The following EYS variants were observed in gnomAD, a reference collection of about 807,000 sequenced individuals.
The protein encoded by EYS is EGF-like photoreceptor maintenance factor, also known as protein eyes shut homolog.
A neutral mutation model predicts 282.1 loss-of-function variants in EYS; 250 were observed. The observed-to-expected ratio is 0.89, with a 90% CI of 0.80 to 0.98. The LOEUF is 0.98. Ranked by LOEUF, EYS falls within the 50% of genes least tolerant of loss-of-function variation. The pLI is 0.00. For synonymous variants in EYS, 1,355 were observed against 1,282.9 expected (o/e 1.06, Z -1.20); for missense variants, 4,016 against 3,709.0 (o/e 1.08, Z -2.15).
chr6:64,154,942 C>G (rs565142818), intron 31 of EYS, among the ~76,000 whole-genome samples: 2 of 152,226 alleles, frequency 1.3e-5, no homozygotes, highest in Non-Finnish European at 2.9e-5. Flanking sequence ...TTTCCAATCA[C>G]AGCCACCTAT....
intron 39 of EYS, among the ~76,000 whole-genome samples, chr6:63,782,380 T>C (rs1191389443): frequency 3.9e-5 from 6 of 152,224 alleles, no homozygotes; most frequent in Non-Finnish European, 7.3e-5. Flanking sequence ...TGTCTGGTCC[T>C]GGACTTTTTT....
chr6:63,768,681 A>T (rs1445962785), intron 40 of EYS, among the ~76,000 whole-genome samples: 1 of 152,016 alleles, frequency 6.6e-6, no homozygotes, highest in African/African-American at 2.4e-5. Flanking sequence ...TTTCTTAAAG[A>T]ACTTAGAACG....
chr6:65,584,488 G>A (rs973904197), intron 2 of EYS, among the ~76,000 whole-genome samples: 10 of 152,032 alleles, frequency 6.6e-5, no homozygotes, highest in Non-Finnish European at 1.3e-4. Flanking sequence ...ACATGAGGTA[G>A]AGTAAGGGGC....
At chr6:63,753,593 T>A (rs761300469) in intron 41 of EYS, among the ~76,000 whole-genome samples, 3 of 151,942 alleles carry the variant, frequency 2.0e-5, no homozygotes, top group Non-Finnish European at 4.4e-5. Flanking sequence ...AACCATCAGA[T>A]CTCATGAGAA....
chr6:64,710,622 C>G (rs923165618), intron 22 of EYS, among the ~76,000 whole-genome samples: 2 of 152,212 alleles, frequency 1.3e-5, no homozygotes, highest in African/African-American at 4.8e-5. Context: ...TCCTTTGTTA[C>G]TTTGTGCAGT....
rs568760122 is a variant in EYS at position 65,367,733 on chromosome 6, T to C, written c.1300-14116A>G. ...ATAAAAGTGTGAGAGAAGAAGCTTA[T>C]GAATTCATTATTAGAGGTCTCCCTT... On this transcript the variant is annotated intron_variant, in intron 8 of 42. Transcript: ENST00000503581. Among the ~76,000 whole-genome samples, 36 of 151,870 alleles carry C rather than the reference T, an allele frequency of 2.4e-4. 1 individual carries two copies. Among genetic ancestry groups the C allele is most frequent in the African/African-American group, 7.9e-4 (33 of 41,540 alleles).
chr6:64,600,149 T>C (rs1297573417), intron 24 of EYS, among the ~76,000 whole-genome samples: 3 of 152,118 alleles, frequency 2.0e-5, no homozygotes, highest in Non-Finnish European at 1.5e-5. Context: ...TTCCTGTGTC[T>C]TTCCAGCCTA....
intron 12 of EYS, among the ~76,000 whole-genome samples, chr6:65,190,872 G>A (rs1765625514): frequency 1.3e-5 from 2 of 151,972 alleles, no homozygotes; most frequent in Admixed American, 1.3e-4. Context: ...ACATGTAGGT[G>A]TGGGTTATTA....
At chr6:65,370,256 C>CTCT (rs1432237298) in intron 8 of EYS, among the ~76,000 whole-genome samples, 4 of 127,152 alleles carry the variant, frequency 3.1e-5, no homozygotes, top group African/African-American at 8.9e-5. Flanking sequence ...CTTTCTCTCT[C>CTCT]TTTTTTTTTT....
intron 37 of EYS, chr6:63,797,405 C>A (rs563037873): frequency 3.3e-5 from 5 of 152,118 alleles, no homozygotes; most frequent in Non-Finnish European, 7.4e-5. Flanking sequence ...CAAGATGTAT[C>A]GAGTGATATA....
At position 64,754,769 on chromosome 6, in the gene EYS, C is replaced by T. The variant is rs375644209; in HGVS notation, c.3443+58609G>A. 5.3e-4 allele frequency among the ~76,000 whole-genome samples: 80 copies of T among 152,150 alleles called. No homozygotes were observed. The South Asian group carries it at 0.017, about 32-fold the overall frequency. On this transcript the variant is annotated intron_variant, in intron 22 of 42. Transcript: ENST00000503581. ...GAATCCCTTTATGATTAAAAACCCT[C>T]AACAACTAAGCTTGAAGTAAGCTAT...
At chr6:64,130,018 T>G (rs1304775195) in intron 31 of EYS, among the ~76,000 whole-genome samples, 3 of 152,164 alleles carry the variant, frequency 2.0e-5, no homozygotes, top group Non-Finnish European at 4.4e-5. Context: ...TACCATGCTG[T>G]TTTGGTTACT....
chr6:64,626,124 G>A lies in EYS; in HGVS notation c.3565C>T (p.Pro1189Ser). 1 of 1,527,190 alleles carries A rather than the reference G, an allele frequency of 6.5e-7. No individual in the cohort carries two copies. Among genetic ancestry groups the A allele is most frequent in the East Asian group, 2.5e-5 (1 of 40,602 alleles). 94.6% of individuals were successfully genotyped at this position (1,527,190 alleles called of 1,614,324 possible). ...HINGYVCKCQ[P>S]GWSGHHCENE... ...TTATTATTTTTAAAATAATTACCTG[G>A]TTGGCATTTGCAAACATATCCATTG... is the stretch of plus-strand genomic sequence containing the variant. Residue 1189 changes from proline to serine, a missense_variant, in exon 23 of 43, where the codon CCA (proline) becomes TCA (serine). By Grantham distance (74) the Pro-to-Ser change is moderately conservative (BLOSUM62 -1). Transcript: ENST00000503581.
At chr6:65,059,262 G>A (rs1773502680) in intron 12 of EYS, among the ~76,000 whole-genome samples, 1 of 152,008 alleles carries the variant, frequency 6.6e-6, no homozygotes, top group South Asian at 2.1e-4. Context: ...AGATTTTATT[G>A]AAGGCTATTG....
chr6:64,860,389 C>T (rs948640968), intron 19 of EYS, among the ~76,000 whole-genome samples: 6 of 152,184 alleles, frequency 3.9e-5, no homozygotes, highest in African/African-American at 1.2e-4. Flanking sequence ...TGTCAGCAAG[C>T]GAGTGTGGGG....
chr6:64,583,952 G>C (rs1314538496), intron 26 of EYS, among the ~76,000 whole-genome samples: 1 of 151,950 alleles, frequency 6.6e-6, no homozygotes, highest in East Asian at 1.9e-4. Context: ...ATATCTCTGT[G>C]TTCCATGCAA....
chr6:64,511,829 G>T (rs1368277516), intron 26 of EYS, among the ~76,000 whole-genome samples: 1 of 151,734 alleles, frequency 6.6e-6, no homozygotes, highest in Admixed American at 6.6e-5. Flanking sequence ...GGGGGGGGGT[G>T]TTAAAATGTG....
intron 29 of EYS, among the ~76,000 whole-genome samples, chr6:64,355,924 T>C (rs907891788): frequency 4.6e-5 from 7 of 151,622 alleles, no homozygotes; most frequent in Non-Finnish European, 7.4e-5. Context: ...TGTTAATATT[T>C]GATCAGAAAC....
chr6:63,849,854 G>C (rs1189831677), intron 36 of EYS, among the ~76,000 whole-genome samples: 1 of 152,212 alleles, frequency 6.6e-6, no homozygotes, highest in Non-Finnish European at 1.5e-5. Context: ...GTAGGCTTTA[G>C]AGGGTGGGTA....
Sources: allele counts gnomAD v4.1 joint callset (sites outside exome capture counted in the v4.1 genomes callset), GRCh38; gene constraint gnomAD v4.1.1; transcripts MANE v1.5; gene names NCBI Gene and HGNC (gene_info 2026-07-23, HGNC 2026-07-21).